The following TFAP2A variants were observed in gnomAD, a reference collection of about 807,000 sequenced individuals.
The protein encoded by TFAP2A is transcription factor AP-2 alpha, also known as transcription factor AP-2-alpha.
A neutral mutation model predicts 41.5 loss-of-function variants in TFAP2A; 7 were observed. The observed-to-expected ratio is 0.17, with a 90% CI of 0.10 to 0.32. The LOEUF is 0.32. Among genes scored for constraint, TFAP2A ranks in the 10% least tolerant of loss-of-function variants. The pLI is 1.00. For synonymous variants in TFAP2A, 247 were observed against 242.8 expected (o/e 1.02, Z -0.16); for missense variants, 416 against 563.3 (o/e 0.74, Z 2.65).
intron 4 of TFAP2A, among the ~76,000 whole-genome samples, chr6:10,403,235 TTAAGA>T (rs1206352525): frequency 6.6e-6 from 1 of 152,216 alleles, no homozygotes; most frequent in Non-Finnish European, 1.5e-5. Context: ...CAGAAAGTGG[TTAAGA>T]TAAATTGTTT....
upstream of TFAP2A, chr6:10,415,435 G>A: frequency 2.8e-6 from 1 of 358,556 alleles, no homozygotes; most frequent in Non-Finnish European, 4.7e-6. Context: ...TCCAGCCTGC[G>A]AACTGATAAA....
intron 1 of TFAP2A, chr6:10,412,279 T>G (rs1301036027): frequency 1.0e-6 from 1 of 985,194 alleles, no homozygotes; most frequent in Non-Finnish European, 1.2e-6. Context: ...GGCAACATTT[T>G]AAAAGGTTGC....
chr6:10,406,990 G>T, intron 2 of TFAP2A, 146 bp from the exon 3 acceptor site: 1 of 723,090 alleles, frequency 1.4e-6, no homozygotes. Context: ...ATCTCATCTT[G>T]GCTTATTGGA....
rs34587962 is a variant in TFAP2A, at chr6:10,400,214, TA to T, written c.1031+233del. Among the ~76,000 whole-genome samples, 8,371 of 134,718 alleles carry T rather than the reference TA, an allele frequency of 0.062. 287 individuals are homozygous for T. Among genetic ancestry groups the T allele is most frequent in the African/African-American group, 0.095 (3,447 of 36,464 alleles). The allele number at this position is 134,718 out of a possible 152,430, so 88.4% of individuals were successfully genotyped here. A position where few individuals can be genotyped will look rare whatever the true frequency, so the allele number is the denominator to read the frequency against. ...ACAACCCACTCCCATACACACTCAT[TA>T]AAAAAAAAAAAAAATGAGTAAATGG... On this transcript the variant is annotated intron_variant, in intron 6 of 6. Transcript: ENST00000379613.
chr6:10,410,466 T>A, intron 1 of TFAP2A, 131 bp from the exon 2 acceptor site: 6 of 855,454 alleles, frequency 7.0e-6, no homozygotes, highest in Non-Finnish European at 1.1e-5. Context: ...CGGGAAAAAA[T>A]CAGCTCTAAG....
chr6:10,398,378 G>A lies in TFAP2A; in HGVS notation c.*39C>T, dbSNP rs749517602. 5.6e-6 allele frequency: 9 copies of A among 1,605,514 alleles called. No individual in the cohort carries two copies. The East Asian group carries it at 6.7e-5, about 12-fold the overall frequency. ...CCGCCGGAGGGTGGGCGCGCGGGGG[G>A]CTGGTGAGGCGTGGGAGGGGCGGGG... On this transcript the variant is annotated 3_prime_UTR_variant, in exon 7 of 7. Transcript: ENST00000379613. The surrounding 1 kb of genome is among the most constrained non-coding windows in gnomAD (Gnocchi z 5.3).
In TFAP2A at chr6:10,404,615, C is replaced by T. The variant is rs1455248490; in HGVS notation, c.663G>A (p.Ser221=). ...EVFCSVPGRL[S]LLSSTSKYKV... is the part of the protein sequence containing the mutation. ...TGTACTTCGAGGTGGAGCTGAGGAG[C>T]GAGAGGCGACCCGGAACTGAACAGA... The change falls in exon 4 of 7, where the codon TCG becomes TCA. Residue 221 remains serine (S), a synonymous_variant. Transcript: ENST00000379613. 6.2e-7 allele frequency: 1 copy of T among 1,614,040 alleles called. No individual in the cohort carries two copies. Among genetic ancestry groups the T allele is most frequent in the Non-Finnish European group, 8.5e-7 (1 of 1,180,014 alleles).
chr6:10,413,754 A>G (rs2113223228), intron 1 of TFAP2A, among the ~76,000 whole-genome samples: 1 of 152,272 alleles, frequency 6.6e-6, no homozygotes, highest in South Asian at 2.1e-4. Context: ...GGAGCGGGTG[A>G]CACATCGTTC....
chr6:10,402,709 A>G (rs946620888), intron 4 of TFAP2A, 99 bp from the exon 5 acceptor site: 89 of 924,114 alleles, frequency 9.6e-5, no homozygotes, highest in Admixed American at 2.3e-4. Flanking sequence ...TGTGCTTTCA[A>G]AAACTGAGAA....
At chr6:10,416,242 A>T (rs937025972), upstream of TFAP2A, 1 of 152,118 alleles carries the variant, frequency 6.6e-6, no homozygotes, top group Admixed American at 6.5e-5. Flanking sequence ...GAGTTCCTTC[A>T]TGATTTGGTG....
chr6:10,410,594 G>C (rs1221464407), intron 1 of TFAP2A, among the ~76,000 whole-genome samples: 1 of 152,150 alleles, frequency 6.6e-6, no homozygotes, highest in Non-Finnish European at 1.5e-5. Flanking sequence ...AGATAGAAAA[G>C]GGTCTCCTGG....
In TFAP2A at chr6:10,398,556, C is replaced by G. The variant is rs754293607; in HGVS notation, c.1181G>C (p.Cys394Ser). ...ISHGFGSPAVCAAVTALQNYL... is the reference protein window; with the variant it reads ...ISHGFGSPAVSAAVTALQNYL... The stretch of plus-strand genomic sequence containing the variant: ...GTTCTGCAGGGCCGTGACCGCGGCA[C>G]ACACCGCGGGGCTGCCGAAGCCGTG... The change falls in exon 7 of 7, where the codon TGT becomes TCT. Residue 394 changes from cysteine (C) to serine (S), a missense_variant. Physicochemically the swap from Cys to Ser is moderately radical, Grantham distance 112. This residue lies in a region of TFAP2A where 116 missense variants were observed against 153.8 expected (regional missense o/e 0.75). Coordinates refer to ENST00000379613, the MANE Select transcript of TFAP2A (RefSeq NM_001372066.1). The surrounding 1 kb of genome is among the most constrained non-coding windows in gnomAD (Gnocchi z 5.3). The G allele has an allele frequency of 6.2e-7, 1 of 1,614,074 alleles. No individual in the cohort carries two copies. Among genetic ancestry groups the G allele is most frequent in the East Asian group, 2.2e-5 (1 of 44,902 alleles).
intron 4 of TFAP2A, 107 bp from the exon 5 acceptor site, chr6:10,402,717 G>A: frequency 1.1e-6 from 1 of 873,556 alleles, no homozygotes; most frequent in Non-Finnish European, 1.9e-6. Flanking sequence ...CAAAAACTGA[G>A]AAGCTTGGCC....
intron 1 of TFAP2A, chr6:10,410,957 T>C (rs1014439045): frequency 1.3e-5 from 2 of 157,332 alleles, no homozygotes; most frequent in East Asian, 1.9e-4. Flanking sequence ...ATGGTTTGGA[T>C]AGGGAAAGGG....
chr6:10,402,640 T>C, intron 4 of TFAP2A, 30 bp from the exon 5 acceptor site: 2 of 1,513,806 alleles, frequency 1.3e-6, no homozygotes, highest in Non-Finnish European at 1.8e-6. Flanking sequence ...GAGAAAGGGA[T>C]TTAGAAAACA....
Position 10,397,999 on chromosome 6 carries a change from A to T in TFAP2A, c.*418T>A, listed in dbSNP as rs762265236. 3.1e-5 allele frequency: 33 copies of T among 1,063,296 alleles called. No homozygotes were observed. Among genetic ancestry groups the T allele is most frequent in the Middle Eastern group, 8.9e-4 (2 of 2,244 alleles). 65.9% of individuals were successfully genotyped at this position (1,063,296 alleles called of 1,614,324 possible). ...GACTCAGTCCCATGAAGCGCATATA[A>T]TTTTTTTTATTTTCACTTTTTTTTT... On this transcript the variant is annotated 3_prime_UTR_variant, in exon 7 of 7. Transcript: ENST00000379613.
At chr6:10,419,133 A>G (rs1172905215), upstream of TFAP2A, among the ~76,000 whole-genome samples, 1 of 152,092 alleles carries the variant, frequency 6.6e-6, no homozygotes, top group African/African-American at 2.4e-5. Context: ...GCCACAGCAC[A>G]AACCACAAGT....
chr6:10,403,130 G>T, intron 4 of TFAP2A, among the ~76,000 whole-genome samples: 1 of 152,244 alleles, frequency 6.6e-6, no homozygotes, highest in African/African-American at 2.4e-5. Context: ...AGCCTAACTG[G>T]AAATGTCAAA....
chr6:10,402,116 A>C (rs1160172503), intron 5 of TFAP2A: 2 of 365,804 alleles, frequency 5.5e-6, no homozygotes, highest in Non-Finnish European at 1.1e-5. Context: ...AAGATTCCCA[A>C]ATTAATTCAG....
Sources: allele counts gnomAD v4.1 joint callset (sites outside exome capture counted in the v4.1 genomes callset), GRCh38; gene constraint gnomAD v4.1.1; regional missense constraint gnomAD v4.1.1; non-coding constraint Gnocchi (gnomAD v3.1); transcripts MANE v1.5; gene names NCBI Gene and HGNC (gene_info 2026-07-23, HGNC 2026-07-21).